The following PROSER1 variants were observed in gnomAD, a reference collection of about 807,000 sequenced individuals.
PROSER1 encodes the protein proline and serine rich 1.
A neutral mutation model predicts 71.8 loss-of-function variants in PROSER1; 36 were observed. The ratio of observed to expected loss-of-function variants is 0.50; its 90% CI spans 0.38 to 0.66. The LOEUF is 0.66. Among genes scored for constraint, PROSER1 ranks in the 30% least tolerant of loss-of-function variants. The probability of loss-of-function intolerance (pLI) is 0.00; values close to 1 mark genes in which losing one functional copy is unlikely to be tolerated. For synonymous variants in PROSER1, 490 were observed against 452.4 expected (o/e 1.08, Z -1.06); for missense variants, 1,107 against 1,135.0 (o/e 0.98, Z 0.35).
rs749574555 is a variant in PROSER1 at position 39,014,489 on chromosome 13, G to A, written c.776-13C>T. 27 of 1,556,684 alleles carry A rather than the reference G, an allele frequency of 1.7e-5. No individual in the cohort carries two copies. The African/African-American group carries it at 3.4e-4, about 20-fold the overall frequency. ...GGGGTGGAAAATGCTATATGGAAGG[G>A]GGAAAAAAGGCAAGAATGTATCATC... On this transcript the variant is annotated splice_polypyrimidine_tract_variant and intron_variant, in intron 10 of 12. Coordinates refer to ENST00000352251, the MANE Select transcript of PROSER1 (RefSeq NM_025138.5).
Position 39,013,151 on chromosome 13 carries a change from T to A in PROSER1, c.2101A>T (p.Thr701Ser). The A allele has an allele frequency of 1.9e-6, 3 of 1,613,476 alleles. No individual in the cohort carries two copies. Among genetic ancestry groups the A allele is most frequent in the Non-Finnish European group, 2.5e-6 (3 of 1,179,858 alleles). Residue 701 changes from threonine (T) to serine (S), a missense_variant, in exon 11 of 13, where the codon ACT becomes TCT. Thr to Ser is a moderately conservative substitution (Grantham distance 58). Transcript: ENST00000352251. The stretch of plus-strand genomic sequence containing the variant: ...AAAGGAAAATTGTTGGTCAAAGAAG[T>A]AAAAGAAGGAAGAGCAGTGAATACT... Reference protein sequence around the residue: ...APVFTALPSFTSLTNNFPLTG... With the variant: ...APVFTALPSFSSLTNNFPLTG...
Position 39,022,270 on chromosome 13 carries a change from CA to C in PROSER1, c.730+55del, listed in dbSNP as rs1870326424. On this transcript the variant is annotated intron_variant, in intron 9 of 12. Coordinates refer to ENST00000352251, the MANE Select transcript of PROSER1 (RefSeq NM_025138.5). The stretch of plus-strand genomic sequence containing the variant: ...CGTCATGCCAAACAACTGTCCGTTC[CA>C]AGTGTACATTTGTATATGAATAAGT... 2.2e-5 allele frequency: 25 copies of C among 1,149,270 alleles called. 1 individual carries two copies. In the South Asian group the frequency reaches 2.9e-4, roughly 14 times the overall value. The allele number at this position is 1,149,270 out of a possible 1,614,324, so 71.2% of individuals were successfully genotyped here.
chr13:39,029,476 T>G (rs1870727881), intron 3 of PROSER1, 101 bp from the exon 4 acceptor site: 6 of 554,886 alleles, frequency 1.1e-5, no homozygotes, highest in Non-Finnish European at 1.2e-5. Context: ...ATAAACATTT[T>G]AGATAAAATA....
chr13:39,022,723 C>CT, intron 8 of PROSER1: 1 of 384,060 alleles, frequency 2.6e-6, no homozygotes, highest in Non-Finnish European at 4.7e-6. Context: ...ATATACTTGA[C>CT]TTTTTGAAGT....
At position 39,037,559 on chromosome 13, in the gene PROSER1, G is replaced by A. The variant is rs915340380; in HGVS notation, c.-317C>T. 8 of 255,850 alleles carry A rather than the reference G, an allele frequency of 3.1e-5. No individual in the cohort carries two copies. The highest frequency in any genetic ancestry group is 5.2e-5 in the Non-Finnish European group (7 of 134,988). 15.8% of individuals were successfully genotyped at this position (255,850 alleles called of 1,614,324 possible). A position where few individuals can be genotyped will look rare whatever the true frequency, so the allele number is the denominator to read the frequency against. On this transcript the variant is annotated 5_prime_UTR_variant, in exon 1 of 13. Transcript: ENST00000352251. The stretch of plus-strand genomic sequence containing the variant: ...GAGTTTTGCAGAAAAACCCGGGCTC[G>A]GCGGCAGGTTTGAGTGCGGTTTCCC...
chr13:39,030,480 C>G (rs1355884344), intron 3 of PROSER1, among the ~76,000 whole-genome samples: 1 of 152,188 alleles, frequency 6.6e-6, no homozygotes, highest in African/African-American at 2.4e-5. Flanking sequence ...AGAGCTCTGT[C>G]ATGAGTTTGT....
chr13:39,018,516 A>T (rs574243786), intron 9 of PROSER1, among the ~76,000 whole-genome samples: 2 of 149,116 alleles, frequency 1.3e-5, no homozygotes, highest in South Asian at 4.3e-4. Context: ...ACACACACAC[A>T]CTACTGGGAA....
At position 39,012,137 on chromosome 13, in the gene PROSER1, T is replaced by A; in HGVS notation, c.2658A>T (p.Ser886=). ...IPGFPQNPSQ[S]SLQELQHNAA... ...CATTATGCTGTAATTCTTGCAAGGA[T>A]GATTGTGAAGGATTCTGAGGAAACC... is the stretch of plus-strand genomic sequence containing the variant. The change falls in exon 12 of 13, where the codon TCA becomes TCT. Residue 886 remains serine (S), a synonymous_variant. Coordinates refer to ENST00000352251, the MANE Select transcript of PROSER1 (RefSeq NM_025138.5). 6.2e-7 allele frequency: 1 copy of A among 1,614,194 alleles called. No individual in the cohort carries two copies. The highest frequency in any genetic ancestry group is 1.1e-5 in the South Asian group (1 of 91,086).
intron 5 of PROSER1, among the ~76,000 whole-genome samples, chr13:39,027,050 G>A (rs1870579358): frequency 6.6e-6 from 1 of 151,192 alleles, no homozygotes; most frequent in Non-Finnish European, 1.5e-5. Context: ...ATATTCCAAT[G>A]TATCTATATT....
chr13:39,011,677 G>A (rs1270625176), intron 12 of PROSER1, among the ~76,000 whole-genome samples, 190 bp from the exon 13 acceptor site: 1 of 152,206 alleles, frequency 6.6e-6, no homozygotes, highest in Non-Finnish European at 1.5e-5. Flanking sequence ...AGGTGAAGGA[G>A]ATGCATAGAA....
chr13:39,024,558 T>TA lies in PROSER1; in HGVS notation c.481-3dup. 1 of 1,388,020 alleles carries TA rather than the reference T, an allele frequency of 7.2e-7. No homozygotes were observed. Among genetic ancestry groups the TA allele is most frequent in the Non-Finnish European group, 9.7e-7 (1 of 1,033,918 alleles). The allele number at this position is 1,388,020 out of a possible 1,614,324, so 86.0% of individuals were successfully genotyped here. A position where few individuals can be genotyped will look rare whatever the true frequency, so the allele number is the denominator to read the frequency against. The stretch of plus-strand genomic sequence containing the variant: ...ACCATCTTTTTTCAAAGGAGTTCCC[T>TA]ATTAAAAAAAAAAAAAAAAGGTAAT... On this transcript the variant is annotated splice_region_variant and splice_polypyrimidine_tract_variant and intron_variant, in intron 6 of 12. Transcript: ENST00000352251.
At chr13:39,020,274 G>C (rs1005266787) in intron 9 of PROSER1, among the ~76,000 whole-genome samples, 3 of 151,936 alleles carry the variant, frequency 2.0e-5, no homozygotes, top group Admixed American at 6.6e-5. Flanking sequence ...CCAGCTTGAC[G>C]TGATATAAAG....
chr13:39,026,222 A>T (rs1870538203), intron 6 of PROSER1, 55 bp downstream of exon 6: 5 of 1,106,664 alleles, frequency 4.5e-6, no homozygotes, highest in South Asian at 3.9e-5. Flanking sequence ...AACTTATTCT[A>T]CACTTCATAC....
chr13:39,029,072 CA>C (rs1870686530), intron 4 of PROSER1: 1 of 355,324 alleles, frequency 2.8e-6, no homozygotes, highest in Non-Finnish European at 5.0e-6. Flanking sequence ...TCAAATTAAA[CA>C]ATCTTGTTAA....
chr13:39,021,309 G>C (rs1307530400), intron 9 of PROSER1, among the ~76,000 whole-genome samples: 1 of 152,152 alleles, frequency 6.6e-6, no homozygotes, highest in Non-Finnish European at 1.5e-5. Context: ...GTTTCTGACA[G>C]TTCCTTTGCT....
chr13:39,030,276 C>A (rs1475050247), intron 3 of PROSER1, among the ~76,000 whole-genome samples: 2 of 152,138 alleles, frequency 1.3e-5, no homozygotes, highest in African/African-American at 2.4e-5. Context: ...TAATTTAGCT[C>A]ATTTATGGAA....
At position 39,034,895 on chromosome 13, in the gene PROSER1, AATCT is replaced by A. The variant is rs558886411; in HGVS notation, c.46-703_46-700del. ...AAGTGATGGTTCCTTTCCTTTTCGG[AATCT>A]ATCAGTGGGTGAGAGAGAAGTTGGT... On this transcript the variant is annotated intron_variant, in intron 1 of 12. Transcript: ENST00000352251. Among the ~76,000 whole-genome samples the A allele has an allele frequency of 3.2e-3, 490 of 152,286 alleles. 1 individual carries two copies. Among genetic ancestry groups the A allele is most frequent in the Admixed American group, 0.01 (159 of 15,298 alleles).
At chr13:39,017,566 T>A (rs747563159) in intron 9 of PROSER1, 22 bp from the exon 10 acceptor site, 2 of 1,291,620 alleles carry the variant, frequency 1.5e-6, no homozygotes, top group South Asian at 2.7e-5. Flanking sequence ...TAAATAAAAG[T>A]TCATTTTAAA....
intron 2 of PROSER1, among the ~76,000 whole-genome samples, chr13:39,033,052 C>A (rs957380428): frequency 6.6e-6 from 1 of 152,112 alleles, no homozygotes; most frequent in Non-Finnish European, 1.5e-5. Context: ...TCCTGAACAG[C>A]TGGGATTACA....
Sources: allele counts gnomAD v4.1 joint callset (sites outside exome capture counted in the v4.1 genomes callset), GRCh38; gene constraint gnomAD v4.1.1; transcripts MANE v1.5; gene names NCBI Gene and HGNC (gene_info 2026-07-23, HGNC 2026-07-21).